Variants in LRRC4C observed in about 807,000 individuals in gnomAD.
LRRC4C encodes leucine-rich repeat-containing protein 4C.
A neutral mutation model predicts 33.6 loss-of-function variants in LRRC4C; 5 were observed. That is an observed-to-expected ratio of 0.15 (90% CI 0.08 to 0.31). The LOEUF is 0.31. LRRC4C is among the 10% of genes least tolerant of loss of function. LRRC4C has a pLI of 1.00. For missense variants in LRRC4C, 560 were observed against 796.7 expected (o/e 0.70, Z 3.58); for synonymous variants, 329 against 302.0 (o/e 1.09, Z -0.93).
Position 41,239,464 on chromosome 11 carries a change from C to G in LRRC4C, c.-496+219967G>C, listed in dbSNP as rs558761182. On this transcript the variant is annotated intron_variant, in intron 1 of 6. Coordinates refer to ENST00000528697, the MANE Select transcript of LRRC4C (RefSeq NM_001258419.2). Reference sequence around the variant, plus strand: ...AACTAATTTCATACACACACTGCTGCAACTACAATGGCCTTGTTGCTATGC... The same window carrying G: ...AACTAATTTCATACACACACTGCTGGAACTACAATGGCCTTGTTGCTATGC... Among the ~76,000 whole-genome samples, 5 of 152,028 alleles carry G rather than the reference C, an allele frequency of 3.3e-5. No homozygotes were observed. The South Asian group carries it at 1.0e-3, about 32-fold the overall frequency.
At chr11:41,451,332 C>T (rs1213263887) in intron 1 of LRRC4C, among the ~76,000 whole-genome samples, 2 of 151,804 alleles carry the variant, frequency 1.3e-5, no homozygotes, top group Non-Finnish European at 2.9e-5. Flanking sequence ...CTAAACACCC[C>T]CACCCACATA....
intron 2 of LRRC4C, among the ~76,000 whole-genome samples, chr11:40,781,418 C>T (rs930802155): frequency 2.0e-5 from 3 of 152,010 alleles, no homozygotes; most frequent in African/African-American, 7.2e-5. Context: ...TCACAAAAAT[C>T]CCAAGGCTTC....
intron 1 of LRRC4C, among the ~76,000 whole-genome samples, chr11:41,166,683 G>T (rs761153733): frequency 2.0e-5 from 3 of 152,114 alleles, no homozygotes; most frequent in African/African-American, 4.8e-5. Context: ...TGGGGCTAAA[G>T]AATTACTCAA....
chr11:41,035,073 A>G (rs970262695), intron 1 of LRRC4C, among the ~76,000 whole-genome samples: 1 of 151,232 alleles, frequency 6.6e-6, no homozygotes, highest in African/African-American at 2.4e-5. Flanking sequence ...GTATTTTATA[A>G]TTGTATTTAA....
chr11:41,149,920 C>T (rs911398843), intron 1 of LRRC4C, among the ~76,000 whole-genome samples: 2 of 152,148 alleles, frequency 1.3e-5, no homozygotes, highest in African/African-American at 4.8e-5. Flanking sequence ...TAAGAAGATA[C>T]TCATTTGTAG....
intron 3 of LRRC4C, among the ~76,000 whole-genome samples, chr11:40,517,500 G>C (rs1190902556): frequency 6.6e-6 from 1 of 152,134 alleles, no homozygotes; most frequent in Non-Finnish European, 1.5e-5. Flanking sequence ...TTTCTCTCCA[G>C]CCTTCTCTGT....
chr11:40,978,839 C>T (rs367965282), intron 1 of LRRC4C, among the ~76,000 whole-genome samples: 1 of 151,820 alleles, frequency 6.6e-6, no homozygotes, highest in African/African-American at 2.4e-5. Context: ...ACCATGTTGC[C>T]CAAGCTAGTT....
At chr11:40,207,166 G>A (rs1565133669) in intron 5 of LRRC4C, among the ~76,000 whole-genome samples, 1 of 152,094 alleles carries the variant, frequency 6.6e-6, no homozygotes, top group Non-Finnish European at 1.5e-5. Context: ...AGCTGAAATG[G>A]CATTTTTTCT....
At chr11:41,063,920 G>C (rs1937998682) in intron 1 of LRRC4C, among the ~76,000 whole-genome samples, 1 of 152,186 alleles carries the variant, frequency 6.6e-6, no homozygotes, top group South Asian at 2.1e-4. Context: ...GGTCATGACT[G>C]TGGAGATTGG....
intron 3 of LRRC4C, among the ~76,000 whole-genome samples, chr11:40,639,964 T>C (rs1565588153): frequency 6.6e-6 from 1 of 151,934 alleles, no homozygotes. Context: ...CAGCTCCACC[T>C]GGAAACTTCT....
intron 1 of LRRC4C, among the ~76,000 whole-genome samples, chr11:41,143,339 G>T (rs1166998813): frequency 6.6e-6 from 1 of 152,098 alleles, no homozygotes; most frequent in Non-Finnish European, 1.5e-5. Context: ...ATCAGGAAAG[G>T]TACCTACTTT....
chr11:41,150,453 G>T (rs1226859189), intron 1 of LRRC4C, among the ~76,000 whole-genome samples: 2 of 152,062 alleles, frequency 1.3e-5, no homozygotes, highest in Non-Finnish European at 2.9e-5. Context: ...TTTTGCTTGG[G>T]CATGTGTCCT....
rs955953251 is a variant in LRRC4C at position 41,175,048 on chromosome 11, C to A, written c.-495-241325G>T. On this transcript the variant is annotated intron_variant, in intron 1 of 6. Transcript: ENST00000528697. Reference sequence around the variant, plus strand: ...CAGTTACCAGGTTCTCTTGGTTCTGCTGATCAAATACATTTTGAATCTGCA... The same window carrying A: ...CAGTTACCAGGTTCTCTTGGTTCTGATGATCAAATACATTTTGAATCTGCA... Among the ~76,000 whole-genome samples the A allele has an allele frequency of 2.6e-5, 4 of 152,176 alleles. No individual in the cohort carries two copies. In the South Asian group the frequency reaches 6.2e-4, roughly 24 times the overall value.
chr11:41,197,745 T>C (rs1487226840), intron 1 of LRRC4C, among the ~76,000 whole-genome samples: 1 of 152,008 alleles, frequency 6.6e-6, no homozygotes, highest in Non-Finnish European at 1.5e-5. Context: ...TTTATTCTCC[T>C]CAAACTCCTT....
intron 1 of LRRC4C, among the ~76,000 whole-genome samples, chr11:41,246,738 C>T (rs1948467907): frequency 6.6e-6 from 1 of 152,168 alleles, no homozygotes; most frequent in African/African-American, 2.4e-5. Context: ...TGTTTTTAAT[C>T]CCTTTCTTCA....
chr11:40,167,608 T>C (rs1859704453), intron 5 of LRRC4C, among the ~76,000 whole-genome samples: 1 of 152,124 alleles, frequency 6.6e-6, no homozygotes, highest in Non-Finnish European at 1.5e-5. Flanking sequence ...CAGAAAGTTC[T>C]CTGGAGGGTG....
At chr11:40,179,891 C>G (rs1860840286) in intron 5 of LRRC4C, among the ~76,000 whole-genome samples, 1 of 152,198 alleles carries the variant, frequency 6.6e-6, no homozygotes, top group Admixed American at 6.5e-5. Context: ...TGTCTCCTTT[C>G]TGTCTCTCCC....
At chr11:41,144,988 C>A (rs1415850702) in intron 1 of LRRC4C, among the ~76,000 whole-genome samples, 1 of 152,124 alleles carries the variant, frequency 6.6e-6, no homozygotes, top group Non-Finnish European at 1.5e-5. Context: ...AGTTATTTAG[C>A]AAGCTAGAGT....
At chr11:41,402,797 A>G (rs2138123402) in intron 1 of LRRC4C, among the ~76,000 whole-genome samples, 1 of 152,196 alleles carries the variant, frequency 6.6e-6, no homozygotes, top group African/African-American at 2.4e-5. Flanking sequence ...TTGGTCAGGT[A>G]CCATGAGCCT....
Sources: allele counts gnomAD v4.1 joint callset (sites outside exome capture counted in the v4.1 genomes callset), GRCh38; gene constraint gnomAD v4.1.1; transcripts MANE v1.5; gene names NCBI Gene and HGNC (gene_info 2026-07-23, HGNC 2026-07-21).